Variants in CDX1 observed in about 807,000 individuals in gnomAD.
CDX1 encodes homeobox protein CDX-1.
A neutral mutation model predicts 16.9 loss-of-function variants in CDX1; 9 were observed. That is an observed-to-expected ratio of 0.53 (90% confidence interval 0.32 to 0.93). The LOEUF is 0.93. CDX1 is among the 40% of genes least tolerant of loss of function. The pLI is 0.04. For synonymous variants in CDX1, 179 were observed against 179.0 expected, an observed-to-expected ratio of 1.00 and a Z score of 0.00; for missense variants, 393 against 386.1, an observed-to-expected ratio of 1.02 and a Z score of -0.15.
intron 1 of CDX1, among the ~76,000 whole-genome samples, chr5:150,174,051 T>A (rs1197725909): frequency 4.6e-5 from 7 of 152,358 alleles, no homozygotes; most frequent in Admixed American, 3.9e-4. Context: ...GTGAGCTAAA[T>A]GGCATGGCCC....
rs781538102 is a variant in CDX1 at position 150,182,807 on chromosome 5, C to T, written c.485C>T (p.Thr162Ile). 2 of 1,612,738 alleles carry T rather than the reference C, an allele frequency of 1.2e-6. No individual in the cohort carries two copies. Among genetic ancestry groups the T allele is most frequent in the Middle Eastern group, 1.7e-4 (1 of 6,052 alleles). Residue 162 changes from threonine to isoleucine, a missense_variant, in exon 2 of 3, where the codon ACC (threonine) becomes ATC (isoleucine). Thr to Ile is a moderately conservative substitution (Grantham distance 89). Transcript: ENST00000231656. ...RTKDKYRVVYTDHQRLELEKE... is the reference protein window; with the variant it reads ...RTKDKYRVVYIDHQRLELEKE... ...AAGGACAAGTACCGCGTGGTCTACA[C>T]CGACCACCAACGCCTGGAGCTGGAG... is the stretch of plus-strand genomic sequence containing the variant.
At chr5:150,181,059 G>T (rs991143158) in intron 1 of CDX1, among the ~76,000 whole-genome samples, 15 of 152,262 alleles carry the variant, frequency 9.9e-5, no homozygotes, top group African/African-American at 3.6e-4. Flanking sequence ...TCCTGCAATG[G>T]CTCCTGTCCC....
At chr5:150,180,571 GCAGGGC>G (rs1761628567) in intron 1 of CDX1, among the ~76,000 whole-genome samples, 1 of 152,154 alleles carries the variant, frequency 6.6e-6, no homozygotes, top group Admixed American at 6.5e-5. Flanking sequence ...TGAGGGACAG[GCAGGGC>G]CAGGGCTGAA....
intron 1 of CDX1, among the ~76,000 whole-genome samples, chr5:150,177,000 G>A (rs942184647): frequency 3.3e-5 from 5 of 152,250 alleles, no homozygotes; most frequent in Admixed American, 6.5e-5. Flanking sequence ...GGCCTTGGGG[G>A]GCCAAAGCTG....
intron 1 of CDX1, among the ~76,000 whole-genome samples, chr5:150,169,421 A>G (rs972863321): frequency 5.3e-5 from 8 of 152,060 alleles, no homozygotes; most frequent in African/African-American, 1.9e-4. Flanking sequence ...CCAAGGCTCC[A>G]GGAAAGGGAC....
chr5:150,167,036 G>C lies in CDX1; in HGVS notation c.160G>C (p.Ala54Pro), dbSNP rs2113946164. ...DFSSYSHVEP[A>P]PAPPTAWGAP... ...CTCCAGCTACTCTCACGTGGAGCCGGCCCCCGCGCCCCCGACGGCCTGGGG... is the reference window on the plus strand; with the variant it reads ...CTCCAGCTACTCTCACGTGGAGCCGCCCCCCGCGCCCCCGACGGCCTGGGG... Residue 54 changes from alanine (A) to proline (P), a missense_variant, in exon 1 of 3, where the codon GCC becomes CCC. By Grantham distance (27) the Ala-to-Pro change is conservative. Transcript: ENST00000231656. The C allele has an allele frequency of 2.8e-6, 4 of 1,422,720 alleles. No homozygotes were observed. In the South Asian group the frequency reaches 5.8e-5, roughly 21 times the overall value. 88.1% of individuals were successfully genotyped at this position (1,422,720 alleles called of 1,614,324 possible).
In CDX1 at chr5:150,183,770, C is replaced by T; in HGVS notation, c.*90C>T. The T allele has an allele frequency of 9.4e-7, 1 of 1,062,800 alleles. No individual in the cohort carries two copies. 65.8% of individuals were successfully genotyped at this position (1,062,800 alleles called of 1,614,324 possible). A position where few individuals can be genotyped will look rare whatever the true frequency, so the allele number is the denominator to read the frequency against. On this transcript the variant is annotated 3_prime_UTR_variant, in exon 3 of 3. Coordinates refer to ENST00000231656, the MANE Select transcript of CDX1 (RefSeq NM_001804.3). ...GGCCCAGGAGGTCTGGTCCGAGTCT[C>T]AGCCCTGACCTTCTGGGACATGGTG...
intron 1 of CDX1, among the ~76,000 whole-genome samples, chr5:150,181,303 G>A (rs1752411069): frequency 6.6e-6 from 1 of 152,068 alleles, no homozygotes; most frequent in Admixed American, 6.6e-5. Flanking sequence ...AGTCTCACTC[G>A]ATCACCCAGG....
rs201588716 is a variant in CDX1, at chr5:150,183,653, G to A, written c.771G>A (p.Met257Ile). ...NTSLLATSSP[M>I]PVKEEFLP is the part of the protein sequence containing the mutation. The stretch of plus-strand genomic sequence containing the variant: ...GCCTCCTGGCCACCTCCTCTCCAAT[G>A]CCTGTGAAAGAGGAGTTTCTGCCAT... Residue 257 changes from methionine (M) to isoleucine (I), a missense_variant, in exon 3 of 3, where the codon ATG becomes ATA. Physicochemically the swap from Met to Ile is conservative, Grantham distance 10. Transcript: ENST00000231656. The A allele has an allele frequency of 4.4e-5, 70 of 1,596,186 alleles. No individual in the cohort carries two copies. The Middle Eastern group carries it at 1.5e-3, about 34-fold the overall frequency.
chr5:150,182,722 T>C (rs558276122), intron 1 of CDX1, 46 bp from the exon 2 acceptor site: 22 of 1,508,612 alleles, frequency 1.5e-5, no homozygotes, highest in African/African-American at 2.8e-5. Flanking sequence ...TTTTGTAGCC[T>C]CCTCCTCTCA....
intron 1 of CDX1, among the ~76,000 whole-genome samples, chr5:150,181,447 TG>T (rs1752413813): frequency 6.6e-6 from 1 of 152,166 alleles, no homozygotes; most frequent in Non-Finnish European, 1.5e-5. Flanking sequence ...GGCTAATTTT[TG>T]TATTTTTTAG....
chr5:150,174,001 C>G (rs1424162359), intron 1 of CDX1, among the ~76,000 whole-genome samples: 1 of 152,236 alleles, frequency 6.6e-6, no homozygotes, highest in Non-Finnish European at 1.5e-5. Context: ...AAGGATTCAT[C>G]AAGTACTCAC....
chr5:150,169,799 A>C (rs1399662063), intron 1 of CDX1, among the ~76,000 whole-genome samples: 1 of 152,116 alleles, frequency 6.6e-6, no homozygotes, highest in Non-Finnish European at 1.5e-5. Flanking sequence ...CTTTTGCCCC[A>C]CTTCTGAGCC....
chr5:150,176,683 A>G (rs1761574025), intron 1 of CDX1, among the ~76,000 whole-genome samples: 1 of 152,186 alleles, frequency 6.6e-6, no homozygotes, highest in African/African-American at 2.4e-5. Context: ...GGCTAAACCA[A>G]TGCCCAGAGG....
chr5:150,172,441 A>G (rs1761519567), intron 1 of CDX1, among the ~76,000 whole-genome samples: 1 of 152,128 alleles, frequency 6.6e-6, no homozygotes, highest in African/African-American at 2.4e-5. Context: ...CTCATTTTAT[A>G]GATCAGGATA....
chr5:150,168,397 A>T (rs1014351766), intron 1 of CDX1, among the ~76,000 whole-genome samples: 27 of 152,294 alleles, frequency 1.8e-4, no homozygotes, highest in African/African-American at 5.8e-4. Context: ...GGCCATAATC[A>T]TATCCCCTTT....
chr5:150,177,521 TA>T (rs1209753933), intron 1 of CDX1, among the ~76,000 whole-genome samples: 1 of 151,036 alleles, frequency 6.6e-6, no homozygotes, highest in African/African-American at 2.4e-5. Flanking sequence ...ATTTGATTGA[TA>T]GGTTCTACTG....
rs1752516219 is a variant in CDX1, at chr5:150,184,190, C to T, written c.*510C>T. The T allele has an allele frequency of 6.6e-6, 1 of 152,530 alleles. No individual in the cohort carries two copies. The highest frequency in any genetic ancestry group is 2.1e-4 in the South Asian group (1 of 4,828). 9.4% of individuals were successfully genotyped at this position (152,530 alleles called of 1,614,324 possible). A position where few individuals can be genotyped will look rare whatever the true frequency, so the allele number is the denominator to read the frequency against. On this transcript the variant is annotated 3_prime_UTR_variant, in exon 3 of 3. Transcript: ENST00000231656. ...CATCATAAGGGCACTGAGCCCTTCC[C>T]AGGCTGGATACTAAGCACAAAGCCC...
chr5:150,169,459 C>T (rs887344), intron 1 of CDX1, among the ~76,000 whole-genome samples: 80,452 of 151,776 alleles, frequency 0.53, 22,492 homozygotes, highest in African/African-American at 0.71. Context: ...AGCCCTCTTC[C>T]GCAGAGGATG....
Sources: gnomAD v4.1 joint callset for allele counts (sites outside exome capture counted in the v4.1 genomes callset) on GRCh38, gnomAD v4.1.1 for gene constraint, MANE v1.5 for transcripts, NCBI Gene and HGNC (gene_info 2026-07-23, HGNC 2026-07-21) for gene names.